Variants in MACROD2 observed in about 807,000 individuals in gnomAD.
MACROD2 encodes the protein ADP-ribose glycohydrolase MACROD2.
MACROD2 carries 36 observed loss-of-function variants against 70.4 expected under a neutral mutation model. The ratio of observed to expected loss-of-function variants is 0.51; its 90% CI spans 0.39 to 0.68. The LOEUF (loss-of-function observed/expected upper bound fraction) is 0.68, where lower values mean the gene tolerates loss of function less well. Among genes scored for constraint, MACROD2 ranks in the 30% least tolerant of loss-of-function variants. MACROD2 has a pLI of 0.00. For synonymous variants in MACROD2, 172 were observed against 178.8 expected (o/e 0.96, Z 0.30); for missense variants, 496 against 538.4 (o/e 0.92, Z 0.78).
At chr20:16,004,616 T>C (rs1287394307) in intron 15 of MACROD2, among the ~76,000 whole-genome samples, 1 of 152,230 alleles carries the variant, frequency 6.6e-6, no homozygotes, top group Non-Finnish European at 1.5e-5. Context: ...AGCTCTCTTA[T>C]ACTCTCTGCC....
At chr20:15,413,422 T>C (rs2046105167) in intron 6 of MACROD2, among the ~76,000 whole-genome samples, 1 of 152,188 alleles carries the variant, frequency 6.6e-6, no homozygotes, top group African/African-American at 2.4e-5. Flanking sequence ...AGCTCTAATC[T>C]TATGAAAATG....
intron 8 of MACROD2, among the ~76,000 whole-genome samples, chr20:15,751,378 T>C (rs1024421809): frequency 6.6e-6 from 1 of 152,056 alleles, no homozygotes; most frequent in Non-Finnish European, 1.5e-5. Flanking sequence ...ACATGTATAT[T>C]GATATTTGAA....
chr20:15,738,931 T>C (rs1160564781), intron 8 of MACROD2, among the ~76,000 whole-genome samples: 4 of 152,194 alleles, frequency 2.6e-5, no homozygotes, highest in African/African-American at 9.7e-5. Context: ...AGTTGTTTTT[T>C]ACAATCATTT....
intron 7 of MACROD2, among the ~76,000 whole-genome samples, chr20:15,456,216 C>T (rs1257465099): frequency 6.6e-6 from 1 of 152,172 alleles, no homozygotes; most frequent in East Asian, 1.9e-4. Context: ...CCGACATCAT[C>T]CATGCCCCAG....
intron 5 of MACROD2, among the ~76,000 whole-genome samples, chr20:14,747,113 T>C (rs1285338888): frequency 6.6e-6 from 1 of 152,148 alleles, no homozygotes; most frequent in African/African-American, 2.4e-5. Context: ...TAGCAGTGCC[T>C]ATAAAGGTAG....
chr20:14,694,157 A>T (rs1474351846), intron 5 of MACROD2, among the ~76,000 whole-genome samples: 1 of 152,210 alleles, frequency 6.6e-6, no homozygotes, highest in African/African-American at 2.4e-5. Context: ...AGATGTATAC[A>T]GTAAGGATAG....
chr20:15,432,174 C>A (rs1225412143), intron 7 of MACROD2, among the ~76,000 whole-genome samples: 1 of 152,018 alleles, frequency 6.6e-6, no homozygotes, highest in East Asian at 1.9e-4. Flanking sequence ...TGGAAGCTGT[C>A]AGCTGAAGCA....
intron 8 of MACROD2, among the ~76,000 whole-genome samples, chr20:15,737,073 T>C (rs562013784): frequency 3.9e-5 from 6 of 152,258 alleles, no homozygotes; most frequent in Non-Finnish European, 7.4e-5. Flanking sequence ...AAAGAATTGA[T>C]TGGCTTTGGT....
intron 5 of MACROD2, among the ~76,000 whole-genome samples, chr20:15,118,553 CTG>C (rs1242077243): frequency 2.0e-5 from 3 of 152,256 alleles, no homozygotes; most frequent in South Asian, 2.1e-4. Flanking sequence ...TGAATCCTGA[CTG>C]TATCCAGCAT....
intron 15 of MACROD2, among the ~76,000 whole-genome samples, chr20:16,030,587 A>G (rs552544686): frequency 3.3e-4 from 50 of 152,350 alleles, no homozygotes; most frequent in African/African-American, 1.2e-3. Context: ...ATGACCACAG[A>G]TGAACTTTGA....
chr20:14,874,343 AAGAG>A (rs1568848189), intron 5 of MACROD2, among the ~76,000 whole-genome samples: 1 of 149,670 alleles, frequency 6.7e-6, no homozygotes, highest in African/African-American at 2.5e-5. Context: ...GTCCTTTTTT[AAGAG>A]TGTATTTGTT....
chr20:14,287,654 TG>T (rs1237805904), intron 3 of MACROD2, among the ~76,000 whole-genome samples: 1 of 152,200 alleles, frequency 6.6e-6, no homozygotes, highest in African/African-American at 2.4e-5. Flanking sequence ...TTGAGTCTTC[TG>T]TTTAGGTTCC....
intron 10 of MACROD2, among the ~76,000 whole-genome samples, chr20:15,886,792 A>G (rs1209480719): frequency 2.0e-5 from 3 of 152,124 alleles, no homozygotes; most frequent in African/African-American, 7.2e-5. Flanking sequence ...CTGAGTTTAC[A>G]ATTCTGGGGG....
At chr20:14,789,465 T>C (rs1331658827) in intron 5 of MACROD2, among the ~76,000 whole-genome samples, 2,450 of 105,722 alleles carry the variant, frequency 0.023, 83 homozygotes, top group Non-Finnish European at 0.034. Context: ...TGCAAATTTT[T>C]TTTTTTTTTT....
intron 5 of MACROD2, among the ~76,000 whole-genome samples, chr20:14,993,774 A>G (rs764157277): frequency 1.4e-4 from 21 of 152,232 alleles, no homozygotes; most frequent in Non-Finnish European, 2.6e-4. Context: ...TATTATTTGT[A>G]AAGGTTGAAC....
At chr20:14,989,668 A>G (rs2074882899) in intron 5 of MACROD2, among the ~76,000 whole-genome samples, 1 of 152,080 alleles carries the variant, frequency 6.6e-6, no homozygotes, top group African/African-American at 2.4e-5. Context: ...TGTTTCTAGA[A>G]CTGTCATAGC....
chr20:14,875,366 G>C (rs1352187933), intron 5 of MACROD2, among the ~76,000 whole-genome samples: 1 of 151,994 alleles, frequency 6.6e-6, no homozygotes, highest in Admixed American at 6.5e-5. Context: ...TCTAGTCTGG[G>C]GGACAGAGTG....
chr20:16,033,039 C>A (rs1044577268), intron 15 of MACROD2, among the ~76,000 whole-genome samples: 1 of 151,990 alleles, frequency 6.6e-6, no homozygotes, highest in Admixed American at 6.6e-5. Context: ...TTATTCTTGG[C>A]ACTTGTTAAT....
intron 10 of MACROD2, among the ~76,000 whole-genome samples, chr20:15,909,610 G>A (rs981441732): frequency 5.8e-4 from 75 of 130,108 alleles, no homozygotes; most frequent in African/African-American, 2.0e-3. Flanking sequence ...TGCAAGCTCC[G>A]CCTCCCGGGT....
Sources: allele counts gnomAD v4.1 joint callset (sites outside exome capture counted in the v4.1 genomes callset), GRCh38; gene constraint gnomAD v4.1.1; transcripts MANE v1.5; gene names NCBI Gene and HGNC (gene_info 2026-07-23, HGNC 2026-07-21).